Variants in ABCG2 observed in about 807,000 individuals in gnomAD.
ABCG2 encodes broad substrate specificity ATP-binding cassette transporter ABCG2.
In ABCG2, 80 loss-of-function variants were observed where a neutral mutation model predicts 73.5. The observed-to-expected ratio is 1.09, with a 90% CI of 0.91 to 1.31. The LOEUF is 1.31. Among genes scored for constraint, ABCG2 ranks in the 50% most tolerant of loss-of-function variants. The pLI is 0.00. For synonymous variants in ABCG2, 269 were observed against 282.4 expected (o/e 0.95, Z 0.48); for missense variants, 796 against 786.2 (o/e 1.01, Z -0.15).
intron 6 of ABCG2, among the ~76,000 whole-genome samples, chr4:88,120,630 T>G (rs1387507519): frequency 6.6e-6 from 1 of 152,204 alleles, no homozygotes; most frequent in South Asian, 2.1e-4. Context: ...CCCCTTCGTT[T>G]TGGCCAATTT....
chr4:88,165,710 C>T (rs898759075), intron 1 of ABCG2, among the ~76,000 whole-genome samples: 1 of 152,276 alleles, frequency 6.6e-6, no homozygotes, highest in Admixed American at 6.5e-5. Flanking sequence ...ACTGTCTCTA[C>T]TAAAAATACA....
intron 1 of ABCG2, among the ~76,000 whole-genome samples, chr4:88,154,872 T>A (rs1429545709): frequency 6.9e-5 from 10 of 145,034 alleles, no homozygotes; most frequent in Non-Finnish European, 1.4e-4. Flanking sequence ...TAGTTTGTGA[T>A]TTTGAGGGCC....
chr4:88,108,482 A>T (rs1458904315), intron 9 of ABCG2, among the ~76,000 whole-genome samples: 1 of 152,182 alleles, frequency 6.6e-6, no homozygotes, highest in Non-Finnish European at 1.5e-5. Context: ...CAGCGAGCCA[A>T]GATCATACCA....
chr4:88,131,170 TG>T lies in ABCG2; in HGVS notation c.421del (p.Gln141SerfsTer12). 6.2e-7 allele frequency: 1 copy of T among 1,614,062 alleles called. No individual in the cohort carries two copies. The highest frequency in any genetic ancestry group is 8.5e-7 in the Non-Finnish European group (1 of 1,179,962). Reference protein sequence around the residue: ...MGTLTVRENLQFSAALRLATT... With the variant: ...MGTLTVRENLXFSAALRLATT... ...TGCAAGCCGAAGAGCTGCTGAGAAC[TG>T]TAAGTTTTCTCTCACCGTCAGAGTG... On this transcript the variant is annotated frameshift_variant, in exon 5 of 16. Coordinates refer to ENST00000237612, the MANE Select transcript of ABCG2 (RefSeq NM_004827.3). LOFTEE classifies it high-confidence loss of function.
intron 1 of ABCG2, among the ~76,000 whole-genome samples, chr4:88,158,090 T>C (rs776989813): frequency 2.0e-5 from 3 of 152,206 alleles, no homozygotes; most frequent in African/African-American, 4.8e-5. Context: ...GTTTTTATCC[T>C]TCCAATATCA....
intron 1 of ABCG2, among the ~76,000 whole-genome samples, chr4:88,206,984 G>A (rs1347375215): frequency 6.6e-6 from 1 of 152,104 alleles, no homozygotes; most frequent in African/African-American, 2.4e-5. Flanking sequence ...CAGTAGAGAC[G>A]GGGTTTCACC....
chr4:88,136,983 G>C, intron 2 of ABCG2, among the ~76,000 whole-genome samples: 1 of 142,002 alleles, frequency 7.0e-6, no homozygotes, highest in Non-Finnish European at 1.5e-5. Context: ...CTGCACTCCA[G>C]CCTGGGCAAC....
chr4:88,169,552 A>G (rs1727674204), intron 1 of ABCG2, among the ~76,000 whole-genome samples: 1 of 152,130 alleles, frequency 6.6e-6, no homozygotes, highest in African/African-American at 2.4e-5. Context: ...TAGATTAGAA[A>G]AGAGTTCTAA....
intron 7 of ABCG2, among the ~76,000 whole-genome samples, chr4:88,116,157 T>C (rs1412338651): frequency 1.3e-5 from 2 of 152,190 alleles, no homozygotes; most frequent in Non-Finnish European, 2.9e-5. Flanking sequence ...AAAGCACCAC[T>C]GCACTCTAGC....
At chr4:88,128,591 A>G (rs1267266439) in intron 5 of ABCG2, among the ~76,000 whole-genome samples, 2 of 152,248 alleles carry the variant, frequency 1.3e-5, no homozygotes, top group Non-Finnish European at 2.9e-5. Flanking sequence ...CTATGCAGCC[A>G]TAAAAAAGAA....
chr4:88,180,579 A>C (rs1429221119), intron 1 of ABCG2, among the ~76,000 whole-genome samples: 1 of 152,122 alleles, frequency 6.6e-6, no homozygotes, highest in Admixed American at 6.5e-5. Flanking sequence ...TACAAAAAAA[A>C]ATTTTAAATT....
chr4:88,122,592 G>A (rs894039887), intron 5 of ABCG2, among the ~76,000 whole-genome samples: 7 of 152,166 alleles, frequency 4.6e-5, no homozygotes, highest in Admixed American at 3.9e-4. Context: ...CAAAGCCACT[G>A]TAGCCAGACT....
intron 1 of ABCG2, among the ~76,000 whole-genome samples, chr4:88,230,300 T>TAC (rs1730404283): frequency 6.2e-4 from 3 of 4,856 alleles, no homozygotes; most frequent in South Asian, 0.11. Context: ...GTTATATATA[T>TAC]ATATATATTT....
intron 1 of ABCG2, among the ~76,000 whole-genome samples, chr4:88,164,592 C>T (rs1185500401): frequency 2.6e-5 from 4 of 152,158 alleles, no homozygotes; most frequent in Admixed American, 1.3e-4. Flanking sequence ...TTGTAAGTTT[C>T]CTGAGGCCTC....
At chr4:88,142,202 G>A (rs72554039) in intron 1 of ABCG2, among the ~76,000 whole-genome samples, 2,884 of 151,984 alleles carry the variant, frequency 0.019, 124 homozygotes, top group East Asian at 0.18. Context: ...AGAGAGAAGG[G>A]AAAATGCAGC....
intron 5 of ABCG2, among the ~76,000 whole-genome samples, chr4:88,130,408 A>G (rs1249591522): frequency 6.6e-6 from 1 of 151,986 alleles, no homozygotes; most frequent in Non-Finnish European, 1.5e-5. Context: ...GTTGCAGGAA[A>G]ACAAGCTTAG....
At position 88,132,616 on chromosome 4, in the gene ABCG2, G is replaced by A. The variant is rs746782619; in HGVS notation, c.223C>T (p.Leu75Phe). The stretch of plus-strand genomic sequence containing the variant: ...CCTGTGGGTCCCAGGATGGCGTTGA[G>A]ACCAGGTTTCATGATCCCACTGTAA... ...SNINGIMKPG[L>F]NAILGPTGGG... The change falls in exon 3 of 16, where the codon CTC becomes TTC. Residue 75 changes from leucine (L) to phenylalanine (F), a missense_variant. Leu to Phe is a conservative substitution (Grantham distance 22, BLOSUM62 0). Coordinates refer to ENST00000237612, the MANE Select transcript of ABCG2 (RefSeq NM_004827.3). The A allele has an allele frequency of 9.9e-6, 16 of 1,614,118 alleles. No individual in the cohort carries two copies. Among genetic ancestry groups the A allele is most frequent in the Middle Eastern group, 1.6e-4 (1 of 6,062 alleles).
At chr4:88,128,870 G>A (rs984103357) in intron 5 of ABCG2, among the ~76,000 whole-genome samples, 2 of 152,116 alleles carry the variant, frequency 1.3e-5, no homozygotes, top group African/African-American at 2.4e-5. Flanking sequence ...TGTATACTAT[G>A]TAACAAACCT....
chr4:88,156,018 G>T (rs900620251), intron 1 of ABCG2, among the ~76,000 whole-genome samples: 1 of 152,042 alleles, frequency 6.6e-6, no homozygotes, highest in African/African-American at 2.4e-5. Flanking sequence ...CCAAGGTTGG[G>T]ACATGGAAAA....
Sources: allele counts gnomAD v4.1 joint callset (sites outside exome capture counted in the v4.1 genomes callset), GRCh38; gene constraint gnomAD v4.1.1; transcripts MANE v1.5; gene names NCBI Gene and HGNC (gene_info 2026-07-23, HGNC 2026-07-21).